Variants in ACTR3 observed in about 807,000 individuals in gnomAD.
The protein encoded by ACTR3 is actin-related protein 3.
Under a neutral mutation model 56.8 loss-of-function variants are expected in ACTR3, and 12 were observed. The ratio of observed to expected loss-of-function variants is 0.21; its 90% CI spans 0.14 to 0.34. The LOEUF (loss-of-function observed/expected upper bound fraction) is 0.34, where lower values mean the gene tolerates loss of function less well. Among genes scored for constraint, ACTR3 ranks in the 10% least tolerant of loss-of-function variants. The pLI, the probability that ACTR3 is intolerant of heterozygous loss-of-function variation, is 1.00. For missense variants in ACTR3, 282 were observed against 512.5 expected, an observed-to-expected ratio of 0.55 and a Z score of 4.34; for synonymous variants, 162 against 167.4, an observed-to-expected ratio of 0.97 and a Z score of 0.25.
intron 1 of ACTR3, among the ~76,000 whole-genome samples, chr2:113,911,294 G>C (rs1048831582): frequency 7.0e-6 from 1 of 143,116 alleles, no homozygotes; most frequent in Non-Finnish European, 1.5e-5. Context: ...TTTGTTTTTC[G>C]TTTTTTTTTT....
intron 5 of ACTR3, among the ~76,000 whole-genome samples, chr2:113,933,677 A>ATTTTTTTTTTT (rs1167918809): frequency 1.6e-5 from 2 of 123,850 alleles, no homozygotes; most frequent in Non-Finnish European, 3.2e-5. Context: ...GTTCTATACA[A>ATTTTTTTTTTT]TTTTTTTTTT....
rs1399993498 is a variant in ACTR3 at position 113,890,156 on chromosome 2, C to A, written c.-124C>A. The A allele has an allele frequency of 1.5e-6, 2 of 1,303,186 alleles. No individual in the cohort carries two copies. Among genetic ancestry groups the A allele is most frequent in the Non-Finnish European group, 2.2e-6 (2 of 926,568 alleles). 80.7% of individuals were successfully genotyped at this position (1,303,186 alleles called of 1,614,324 possible). A position where few individuals can be genotyped will look rare whatever the true frequency, so the allele number is the denominator to read the frequency against. On this transcript the variant is annotated 5_prime_UTR_variant, in exon 1 of 12. Transcript: ENST00000263238. ...GCTACTGCTTCGGCTTCCCGGCTAC[C>A]CCCCGGACGGTGAAGGCGGCCCAGC...
intron 8 of ACTR3, among the ~76,000 whole-genome samples, chr2:113,948,569 A>G (rs1680063306): frequency 6.6e-6 from 1 of 152,166 alleles, no homozygotes; most frequent in Non-Finnish European, 1.5e-5. Context: ...TTGTTACATT[A>G]TAATTTCAAG....
chr2:113,942,431 T>C, intron 8 of ACTR3, 72 bp downstream of exon 8: 1 of 1,069,012 alleles, frequency 9.4e-7, no homozygotes, highest in Non-Finnish European at 1.3e-6. Context: ...TCAGAGAGAA[T>C]TAATCTCAGA....
intron 5 of ACTR3, chr2:113,933,792 G>C: frequency 6.6e-6 from 1 of 151,650 alleles, no homozygotes; most frequent in Non-Finnish European, 1.4e-5. Context: ...CCATTCTCCT[G>C]CCTCAGCCTC....
chr2:113,952,913 A>C (rs1379481325), intron 10 of ACTR3: 2 of 151,900 alleles, frequency 1.3e-5, no homozygotes, highest in Non-Finnish European at 2.9e-5. Context: ...ATATCTATCT[A>C]CCCTACCTCC....
At chr2:113,934,875 A>G (rs1679795427) in intron 6 of ACTR3, among the ~76,000 whole-genome samples, 1 of 152,216 alleles carries the variant, frequency 6.6e-6, no homozygotes, top group Non-Finnish European at 1.5e-5. Flanking sequence ...TCAGTTCTTA[A>G]TGATACATCA....
At chr2:113,896,715 C>T (rs1679015322) in intron 1 of ACTR3, among the ~76,000 whole-genome samples, 1 of 152,152 alleles carries the variant, frequency 6.6e-6, no homozygotes, top group African/African-American at 2.4e-5. Flanking sequence ...ATCAGTTTCC[C>T]TTCTTTAAAA....
At chr2:113,892,097 T>C (rs1678914910) in intron 1 of ACTR3, among the ~76,000 whole-genome samples, 1 of 152,250 alleles carries the variant, frequency 6.6e-6, no homozygotes, top group African/African-American at 2.4e-5. Flanking sequence ...AGAAATAATA[T>C]GGTAACATCT....
At chr2:113,905,527 T>C (rs1679177108) in intron 1 of ACTR3, among the ~76,000 whole-genome samples, 1 of 152,122 alleles carries the variant, frequency 6.6e-6, no homozygotes, top group South Asian at 2.1e-4. Flanking sequence ...TTTAACTATT[T>C]CTAAGTGTGC....
chr2:113,893,655 G>C (rs571207074), intron 1 of ACTR3, among the ~76,000 whole-genome samples: 1 of 152,216 alleles, frequency 6.6e-6, no homozygotes, highest in South Asian at 2.1e-4. Context: ...CCAAATGAGG[G>C]CGCTCCTTAT....
At chr2:113,956,624 C>T (rs1476375687) in intron 11 of ACTR3, among the ~76,000 whole-genome samples, 1 of 152,108 alleles carries the variant, frequency 6.6e-6, no homozygotes, top group East Asian at 1.9e-4. Flanking sequence ...ATTAAAATGT[C>T]TTTAAAGCCC....
In ACTR3 at chr2:113,960,724, A is replaced by T. The variant is rs1680310424; in HGVS notation, c.*3269A>T. The T allele has an allele frequency of 6.6e-6, 1 of 151,824 alleles. No individual in the cohort carries two copies. Among genetic ancestry groups the T allele is most frequent in the South Asian group, 2.1e-4 (1 of 4,822 alleles). The allele number at this position is 151,824 out of a possible 1,614,324, so 9.4% of individuals were successfully genotyped here. On this transcript the variant is annotated 3_prime_UTR_variant, in exon 12 of 12. Coordinates refer to ENST00000263238, the MANE Select transcript of ACTR3 (RefSeq NM_005721.5). Reference sequence around the variant, plus strand: ...TGACCCATTCTTTCTGATCTTTCGTAGTTCATAGTCACCAGGCATGAGTAC... The same window carrying T: ...TGACCCATTCTTTCTGATCTTTCGTTGTTCATAGTCACCAGGCATGAGTAC...
intron 7 of ACTR3, among the ~76,000 whole-genome samples, chr2:113,941,169 A>ACTTC (rs1242033333): frequency 6.6e-6 from 1 of 152,142 alleles, no homozygotes; most frequent in Non-Finnish European, 1.5e-5. Context: ...TTTATCAACT[A>ACTTC]CTTCCTAGGT....
chr2:113,913,333 C>A, intron 2 of ACTR3, 106 bp downstream of exon 2: 1 of 792,220 alleles, frequency 1.3e-6, no homozygotes, highest in Non-Finnish European at 1.9e-6. Context: ...AGATTTAGTC[C>A]TTTTAAAAAC....
chr2:113,940,256 G>T, intron 7 of ACTR3, 154 bp downstream of exon 7: 1 of 578,694 alleles, frequency 1.7e-6, no homozygotes, highest in South Asian at 4.4e-5. Context: ...TTTTCTTTGT[G>T]TTTCTTAAAA....
chr2:113,924,310 C>G (rs1427673591), intron 3 of ACTR3, among the ~76,000 whole-genome samples: 1 of 151,722 alleles, frequency 6.6e-6, no homozygotes, highest in African/African-American at 2.4e-5. Flanking sequence ...CTCCTGGGCT[C>G]AAGCCATCCT....
At chr2:113,931,511 G>A (rs1489475480) in intron 5 of ACTR3, 115 bp downstream of exon 5, 10 of 528,252 alleles carry the variant, frequency 1.9e-5, no homozygotes, top group Non-Finnish European at 2.9e-5. Context: ...TAATGTCAAA[G>A]CATGTTATAC....
intron 3 of ACTR3, among the ~76,000 whole-genome samples, chr2:113,920,103 T>C (rs1679479912): frequency 6.6e-6 from 1 of 152,166 alleles, no homozygotes; most frequent in South Asian, 2.1e-4. Context: ...TTTGTGTTTT[T>C]AGTAGAGATG....
Sources: gnomAD v4.1 joint callset for allele counts (sites outside exome capture counted in the v4.1 genomes callset) on GRCh38, gnomAD v4.1.1 for gene constraint, MANE v1.5 for transcripts, NCBI Gene and HGNC (gene_info 2026-07-23, HGNC 2026-07-21) for gene names.